Variants in SLCO1C1 observed in about 807,000 individuals in gnomAD.
SLCO1C1 encodes OAT-RP-5.
SLCO1C1 carries 70 observed loss-of-function variants against 76.4 expected under a neutral mutation model. The observed-to-expected ratio is 0.92, with a 90% confidence interval of 0.76 to 1.12. The LOEUF (loss-of-function observed/expected upper bound fraction) is 1.12. Among genes scored for constraint, SLCO1C1 ranks in the 50% most tolerant of loss-of-function variants. SLCO1C1 has a pLI of 0.00. For missense variants in SLCO1C1, 912 were observed against 823.8 expected, an observed-to-expected ratio of 1.11 and a Z score of -1.31; for synonymous variants, 306 against 286.1, an observed-to-expected ratio of 1.07 and a Z score of -0.70.
intron 4 of SLCO1C1, 87 bp from the exon 5 acceptor site, chr12:20,711,299 T>A: frequency 7.0e-7 from 1 of 1,429,786 alleles, no homozygotes; most frequent in East Asian, 2.4e-5. Context: ...CTCAACCTGG[T>A]ACCCTAACGA....
At chr12:20,726,331 C>T (rs1257630876) in intron 9 of SLCO1C1, among the ~76,000 whole-genome samples, 2 of 151,456 alleles carry the variant, frequency 1.3e-5, no homozygotes, top group Non-Finnish European at 2.9e-5. Context: ...AGCACATTTC[C>T]TTTGCTTCTT....
chr12:20,723,351 T>C (rs1172640734), intron 9 of SLCO1C1, 97 bp downstream of exon 9: 3 of 1,439,550 alleles, frequency 2.1e-6, no homozygotes, highest in South Asian at 2.6e-5. Context: ...AAGATTTAGG[T>C]AATTTATGAC....
chr12:20,725,760 T>C (rs1247720233), intron 9 of SLCO1C1, among the ~76,000 whole-genome samples: 1 of 151,824 alleles, frequency 6.6e-6, no homozygotes, highest in Non-Finnish European at 1.5e-5. Flanking sequence ...ATACTCCTAT[T>C]AGAAACGTAA....
chr12:20,724,820 A>G (rs2120774559), intron 9 of SLCO1C1, among the ~76,000 whole-genome samples: 1 of 146,698 alleles, frequency 6.8e-6, no homozygotes, highest in South Asian at 2.1e-4. Flanking sequence ...TTCAACTAAT[A>G]GTTATTTATA....
At chr12:20,734,590 G>T (rs1324963194) in intron 10 of SLCO1C1, among the ~76,000 whole-genome samples, 10 of 152,142 alleles carry the variant, frequency 6.6e-5, no homozygotes, top group Non-Finnish European at 1.5e-5. Context: ...AAAAGAAACT[G>T]CATGGATCTG....
Position 20,750,713 on chromosome 12 carries a change from G to A in SLCO1C1, c.1837G>A (p.Asp613Asn), listed in dbSNP as rs557308637. Residue 613 changes from aspartate to asparagine, a missense_variant, in exon 14 of 15, where the codon GAT becomes AAT. Physicochemically the swap from Asp to Asn is conservative, Grantham distance 23. Transcript: ENST00000266509. ...PAPVYFGVLIDTSCLKWGFKR... is the reference protein window; with the variant it reads ...PAPVYFGVLINTSCLKWGFKR... ...TCCAGTGTATTTTGGAGTTTTGATT[G>A]ATACTTCATGCCTCAAATGGGGATT... is the stretch of plus-strand genomic sequence containing the variant. 64 of 1,613,996 alleles carry A rather than the reference G, an allele frequency of 4.0e-5. No individual in the cohort carries two copies. The South Asian group carries it at 6.6e-4, about 17-fold the overall frequency.
At chr12:20,732,527 C>T (rs1948331126) in intron 9 of SLCO1C1, among the ~76,000 whole-genome samples, 1 of 152,090 alleles carries the variant, frequency 6.6e-6, no homozygotes, top group African/African-American at 2.4e-5. Context: ...AAATAGAAAC[C>T]AAGACTAAAA....
chr12:20,725,407 C>G (rs954501496), intron 9 of SLCO1C1, among the ~76,000 whole-genome samples: 1 of 135,116 alleles, frequency 7.4e-6, no homozygotes, highest in Non-Finnish European at 1.6e-5. Context: ...TATGGTAATA[C>G]TATAATAATA....
chr12:20,720,860 G>C (rs1947627452), intron 7 of SLCO1C1, among the ~76,000 whole-genome samples: 1 of 152,054 alleles, frequency 6.6e-6, no homozygotes, highest in South Asian at 2.1e-4. Context: ...AGCCGGGCGT[G>C]GTGGCACATG....
chr12:20,708,281 C>A (rs1691878812), intron 4 of SLCO1C1, among the ~76,000 whole-genome samples: 1 of 151,934 alleles, frequency 6.6e-6, no homozygotes, highest in African/African-American at 2.4e-5. Context: ...GCTCATTTAA[C>A]TCATTAATTT....
chr12:20,725,570 C>G (rs939488874), intron 9 of SLCO1C1, among the ~76,000 whole-genome samples: 3 of 147,724 alleles, frequency 2.0e-5, no homozygotes, highest in African/African-American at 4.9e-5. Context: ...TGGTTATACC[C>G]TGGAGTGCAA....
intron 13 of SLCO1C1, among the ~76,000 whole-genome samples, chr12:20,743,687 G>T (rs1948920110): frequency 6.6e-6 from 1 of 151,462 alleles, no homozygotes; most frequent in Admixed American, 6.6e-5. Context: ...TAACAAGAGA[G>T]CTCTCAGAAA....
intron 9 of SLCO1C1, among the ~76,000 whole-genome samples, chr12:20,729,004 G>C (rs1054444945): frequency 1.3e-5 from 2 of 152,208 alleles, no homozygotes; most frequent in Non-Finnish European, 1.5e-5. Flanking sequence ...TTAGACGCTA[G>C]TGTAAATTAA....
chr12:20,725,733 G>A (rs547006449), intron 9 of SLCO1C1, among the ~76,000 whole-genome samples: 114 of 151,096 alleles, frequency 7.5e-4, no homozygotes, highest in Admixed American at 2.4e-3. Flanking sequence ...CAAAACACAC[G>A]GAAGTTGTGC....
intron 10 of SLCO1C1, among the ~76,000 whole-genome samples, chr12:20,735,807 A>C (rs915083359): frequency 5.3e-5 from 8 of 152,174 alleles, no homozygotes; most frequent in Non-Finnish European, 1.2e-4. Context: ...ATTTCTCCAA[A>C]ATAAAGTACC....
intron 13 of SLCO1C1, among the ~76,000 whole-genome samples, chr12:20,750,069 G>T (rs541693020): frequency 6.6e-6 from 1 of 152,150 alleles, no homozygotes; most frequent in South Asian, 2.1e-4. Flanking sequence ...AAAGTAGAAA[G>T]ACCCAATGTT....
chr12:20,740,791 A>ATATATATATATATATATGTG (rs1555138946), intron 12 of SLCO1C1, among the ~76,000 whole-genome samples: 1 of 113,640 alleles, frequency 8.8e-6, no homozygotes, highest in African/African-American at 3.2e-5. Flanking sequence ...TTTTATTTAT[A>ATATATATATATATATATGTG]TATATATATA....
At chr12:20,742,825 G>T (rs950113179) in intron 12 of SLCO1C1, among the ~76,000 whole-genome samples, 2 of 151,824 alleles carry the variant, frequency 1.3e-5, no homozygotes, top group Non-Finnish European at 2.9e-5. Flanking sequence ...GTGAGCCACC[G>T]CGCCTGGCCT....
chr12:20,740,559 T>C (rs563043965), intron 12 of SLCO1C1, among the ~76,000 whole-genome samples, 191 bp downstream of exon 12: 58 of 151,904 alleles, frequency 3.8e-4, no homozygotes, highest in Admixed American at 7.2e-4. Flanking sequence ...ATAGAAGTTT[T>C]CTTAGTTAAA....
Sources: allele counts gnomAD v4.1 joint callset (sites outside exome capture counted in the v4.1 genomes callset), GRCh38; gene constraint gnomAD v4.1.1; transcripts MANE v1.5; gene names NCBI Gene and HGNC (gene_info 2026-07-23, HGNC 2026-07-21).